SH3GL3: variants seen among roughly 807,000 people sequenced by gnomAD.
The protein encoded by SH3GL3 is SH3 domain containing GRB2 like 3, endophilin A3, also known as endophilin-A3.
A neutral mutation model predicts 47.7 loss-of-function variants in SH3GL3; 33 were observed. The observed-to-expected ratio is 0.69, with a 90% CI of 0.52 to 0.92. The LOEUF (loss-of-function observed/expected upper bound fraction) is 0.92. Ranked by LOEUF, SH3GL3 falls within the 40% of genes least tolerant of loss-of-function variation. The pLI, the probability that SH3GL3 is intolerant of heterozygous loss-of-function variation, is 0.00. For missense variants in SH3GL3, 363 were observed against 417.8 expected, an observed-to-expected ratio of 0.87 and a Z score of 1.14; for synonymous variants, 155 against 148.8, an observed-to-expected ratio of 1.04 and a Z score of -0.30.
intron 1 of SH3GL3, among the ~76,000 whole-genome samples, chr15:83,522,344 G>A (rs1232345415): frequency 6.6e-6 from 1 of 152,182 alleles, no homozygotes; most frequent in Non-Finnish European, 1.5e-5. Flanking sequence ...TATTTGCACT[G>A]TAGTGGAATG....
intron 1 of SH3GL3, among the ~76,000 whole-genome samples, chr15:83,457,114 G>A (rs1054528558): frequency 6.6e-6 from 1 of 152,196 alleles, no homozygotes; most frequent in African/African-American, 2.4e-5. Flanking sequence ...GAAGAAGGAA[G>A]TTCAGGGCAC....
intron 1 of SH3GL3, among the ~76,000 whole-genome samples, chr15:83,497,225 G>GCCCCAAGA (rs1335568196): frequency 1.3e-5 from 2 of 152,074 alleles, no homozygotes; most frequent in Non-Finnish European, 2.9e-5. Context: ...ACCCGTTACA[G>GCCCCAAGA]CCCCAAGACC....
chr15:83,468,494 T>A (rs1426611096), intron 1 of SH3GL3, among the ~76,000 whole-genome samples: 1 of 152,224 alleles, frequency 6.6e-6, no homozygotes, highest in Non-Finnish European at 1.5e-5. Context: ...GTGTTCACTG[T>A]AGGATTTTTG....
At chr15:83,583,754 A>G (rs2059892741) in intron 6 of SH3GL3, among the ~76,000 whole-genome samples, 1 of 152,032 alleles carries the variant, frequency 6.6e-6, no homozygotes, top group Non-Finnish European at 1.5e-5. Flanking sequence ...TGGGAGATAA[A>G]TTGAGTTAAT....
intron 6 of SH3GL3, among the ~76,000 whole-genome samples, chr15:83,584,279 C>A (rs904251025): frequency 1.1e-4 from 16 of 152,168 alleles, no homozygotes; most frequent in African/African-American, 3.9e-4. Context: ...CTGACCTTGG[C>A]ACTCCTGTCT....
At chr15:83,584,194 C>T (rs909944927) in intron 6 of SH3GL3, among the ~76,000 whole-genome samples, 9 of 152,180 alleles carry the variant, frequency 5.9e-5, no homozygotes, top group Non-Finnish European at 1.2e-4. Flanking sequence ...TCTTCGCTTC[C>T]TCCCTCTTCA....
intron 1 of SH3GL3, among the ~76,000 whole-genome samples, chr15:83,459,945 C>G (rs1007589252): frequency 1.3e-5 from 2 of 150,180 alleles, no homozygotes; most frequent in Non-Finnish European, 3.0e-5. Flanking sequence ...GTTTCCCCCC[C>G]ACCCCCAGTT....
chr15:83,533,364 T>G (rs1199486488), intron 1 of SH3GL3, among the ~76,000 whole-genome samples: 1 of 152,164 alleles, frequency 6.6e-6, no homozygotes, highest in South Asian at 2.1e-4. Flanking sequence ...GGGTGAGGGC[T>G]GTGCTTTTCT....
intron 1 of SH3GL3, among the ~76,000 whole-genome samples, chr15:83,508,019 GCAACCTCCAC>G (rs562019553): frequency 7.9e-5 from 12 of 152,004 alleles, no homozygotes; most frequent in Non-Finnish European, 1.5e-4. Context: ...TTGGCTCACT[GCAACCTCCAC>G]CTCCCGGGTT....
chr15:83,496,130 G>A (rs544321255), intron 1 of SH3GL3, among the ~76,000 whole-genome samples: 101 of 152,154 alleles, frequency 6.6e-4, no homozygotes, highest in Non-Finnish European at 9.3e-4. Context: ...AGGCCAGGGC[G>A]GGAGGATCAC....
intron 8 of SH3GL3, among the ~76,000 whole-genome samples, chr15:83,610,614 G>T (rs1443422872): frequency 6.6e-6 from 1 of 152,120 alleles, no homozygotes; most frequent in African/African-American, 2.4e-5. Context: ...TTTTCAGGGG[G>T]TATATTGCAT....
At chr15:83,575,210 C>T (rs1238790226) in intron 5 of SH3GL3, among the ~76,000 whole-genome samples, 7 of 152,250 alleles carry the variant, frequency 4.6e-5, no homozygotes, top group African/African-American at 1.4e-4. Flanking sequence ...AGTTGTAAAA[C>T]CAAATGCCTC....
intron 8 of SH3GL3, among the ~76,000 whole-genome samples, chr15:83,596,114 A>G (rs59946603): frequency 0.013 from 2,027 of 152,236 alleles, 42 homozygotes; most frequent in African/African-American, 0.046. Context: ...TTTACTTTTG[A>G]TAACCTCTTT....
intron 6 of SH3GL3, among the ~76,000 whole-genome samples, chr15:83,586,059 G>A (rs986428493): frequency 1.4e-4 from 21 of 152,228 alleles, no homozygotes; most frequent in African/African-American, 5.1e-4. Context: ...GGAAGCCTGG[G>A]AAGTGTAGGA....
chr15:83,631,848 C>T, the SH3GL3 span, among the ~76,000 whole-genome samples: 11 of 152,336 alleles, frequency 7.2e-5, no homozygotes, highest in Non-Finnish European at 1.5e-4. Flanking sequence ...GATTAACATT[C>T]GGCTCCTTAT....
chr15:83,501,386 T>C (rs898202135), intron 1 of SH3GL3, among the ~76,000 whole-genome samples: 3 of 152,244 alleles, frequency 2.0e-5, no homozygotes, highest in Admixed American at 2.0e-4. Context: ...AACATTTTTC[T>C]CTTCCTGACT....
rs1175955659 is a variant in SH3GL3 at position 83,533,728 on chromosome 15, T to C, written c.46-25525T>C. ...TTTCTTGCCCTCTGGGTTTGGAGTGTAGGATGAAAGGAGGGGAAAGTGGGG... is the reference window on the plus strand; with the variant it reads ...TTTCTTGCCCTCTGGGTTTGGAGTGCAGGATGAAAGGAGGGGAAAGTGGGG... On this transcript the variant is annotated intron_variant, in intron 1 of 8. Coordinates refer to ENST00000427482, the MANE Select transcript of SH3GL3 (RefSeq NM_003027.5). Among the ~76,000 whole-genome samples the C allele has an allele frequency of 2.6e-5, 4 of 152,050 alleles. No homozygotes were observed. The East Asian group carries it at 7.7e-4, about 29-fold the overall frequency.
At chr15:83,538,103 T>C (rs1191878929) in intron 1 of SH3GL3, among the ~76,000 whole-genome samples, 1 of 152,190 alleles carries the variant, frequency 6.6e-6, no homozygotes, top group Non-Finnish European at 1.5e-5. Context: ...ACAGTCACAA[T>C]GTAATAGCCC....
chr15:83,496,129 C>T (rs781776263), intron 1 of SH3GL3, among the ~76,000 whole-genome samples: 4 of 152,024 alleles, frequency 2.6e-5, no homozygotes, highest in East Asian at 1.9e-4. Context: ...GAGGCCAGGG[C>T]GGGAGGATCA....
Sources: allele counts gnomAD v4.1 joint callset (sites outside exome capture counted in the v4.1 genomes callset), GRCh38; gene constraint gnomAD v4.1.1; transcripts MANE v1.5; gene names NCBI Gene and HGNC (gene_info 2026-07-23, HGNC 2026-07-21).